The following RAD21 variants were observed in gnomAD, a reference collection of about 807,000 sequenced individuals.
RAD21 encodes the protein double-strand-break repair protein rad21 homolog.
Under a neutral mutation model 71.5 loss-of-function variants are expected in RAD21, and 18 were observed. The observed-to-expected ratio is 0.25, with a 90% CI of 0.17 to 0.37. The LOEUF (loss-of-function observed/expected upper bound fraction) is 0.37. RAD21 is among the 10% of genes least tolerant of loss of function. RAD21 has a pLI of 1.00. For missense variants in RAD21, 493 were observed against 769.1 expected, an observed-to-expected ratio of 0.64 and a Z score of 4.25; for synonymous variants, 248 against 254.0, an observed-to-expected ratio of 0.98 and a Z score of 0.22.
At position 116,846,660 on chromosome 8, in the gene RAD21, G is replaced by T. The variant is rs545914200; in HGVS notation, c.*840C>A. ...TCAGTCTGTCCTTGTAGTAGGCAGG[G>T]CAATTTCTGTTTTCATGATCGGAAT... On this transcript the variant is annotated 3_prime_UTR_variant, in exon 14 of 14. Coordinates refer to ENST00000297338, the MANE Select transcript of RAD21 (RefSeq NM_006265.3). 12 of 224,662 alleles carry T rather than the reference G, an allele frequency of 5.3e-5. No homozygotes were observed. Among genetic ancestry groups the T allele is most frequent in the Non-Finnish European group, 1.1e-4 (12 of 112,482 alleles). The allele number at this position is 224,662 out of a possible 1,614,324, so 13.9% of individuals were successfully genotyped here. A position where few individuals can be genotyped will look rare whatever the true frequency, so the allele number is the denominator to read the frequency against.
chr8:116,855,733 T>C (rs1012285340), intron 8 of RAD21, among the ~76,000 whole-genome samples: 5 of 152,118 alleles, frequency 3.3e-5, no homozygotes, highest in South Asian at 2.1e-4. Context: ...AGAATACTTT[T>C]AGTTTTTTCC....
At chr8:116,872,097 ATAC>A (rs1188348846) in intron 1 of RAD21, among the ~76,000 whole-genome samples, 2 of 152,234 alleles carry the variant, frequency 1.3e-5, no homozygotes, top group South Asian at 2.1e-4. Context: ...ATAATAAAAA[ATAC>A]TACTAATAAA....
Position 116,847,665 on chromosome 8 carries a change from T to C in RAD21, c.1731A>G (p.Glu577=), listed in dbSNP as rs1812273855. The C allele has an allele frequency of 1.9e-6, 3 of 1,613,608 alleles. No individual in the cohort carries two copies. The highest frequency in any genetic ancestry group is 1.3e-5 in the African/African-American group (1 of 74,872). ...LQRALAKTGA[E]SISLLELCRN... is the part of the protein sequence containing the mutation. ...GACATAACTCAAGCAAACTGATAGA[T>C]TCAGCTCCAGTTTTAGCAAGAGCAC... The change falls in exon 14 of 14, where the codon GAA becomes GAG. Residue 577 remains glutamate, a synonymous_variant. Transcript: ENST00000297338.
chr8:116,869,797 C>G (rs1309605084), intron 1 of RAD21, among the ~76,000 whole-genome samples: 1 of 152,186 alleles, frequency 6.6e-6, no homozygotes, highest in African/African-American at 2.4e-5. Flanking sequence ...GGATCTCTTA[C>G]ACTGCAGGTG....
intron 1 of RAD21, among the ~76,000 whole-genome samples, chr8:116,872,283 T>A (rs924653030): frequency 2.0e-5 from 3 of 152,124 alleles, no homozygotes; most frequent in African/African-American, 7.2e-5. Context: ...CCCTTTAATA[T>A]CAAGGGACAA....
Position 116,846,133 on chromosome 8 carries a change from G to T in RAD21, c.*1367C>A, listed in dbSNP as rs750865267. 1.3e-5 allele frequency: 3 copies of T among 230,782 alleles called. No individual in the cohort carries two copies. Among genetic ancestry groups the T allele is most frequent in the African/African-American group, 2.2e-5 (1 of 45,180 alleles). The allele number at this position is 230,782 out of a possible 1,614,324, so 14.3% of individuals were successfully genotyped here. On this transcript the variant is annotated 3_prime_UTR_variant, in exon 14 of 14. Coordinates refer to ENST00000297338, the MANE Select transcript of RAD21 (RefSeq NM_006265.3). ...AACGGGGAAAACTCCTTGGTTTACAGGCACATCATATTGAATGTAAAGCTG... is the reference window on the plus strand; with the variant it reads ...AACGGGGAAAACTCCTTGGTTTACATGCACATCATATTGAATGTAAAGCTG...
intron 13 of RAD21, 177 bp downstream of exon 13, chr8:116,848,769 A>G (rs1040564617): frequency 6.7e-6 from 3 of 450,524 alleles, no homozygotes; most frequent in African/African-American, 2.0e-5. Context: ...AATAAAAAAA[A>G]AAAAGAAAAG....
At chr8:116,849,383 C>A in intron 12 of RAD21, 1 of 222,088 alleles carries the variant, frequency 4.5e-6, no homozygotes, top group Non-Finnish European at 8.7e-6. Context: ...GGATATAAAT[C>A]AACTGTACCA....
intron 1 of RAD21, among the ~76,000 whole-genome samples, chr8:116,868,472 T>A (rs758198592): frequency 6.6e-6 from 1 of 152,184 alleles, no homozygotes; most frequent in Non-Finnish European, 1.5e-5. Flanking sequence ...GTACAGACTT[T>A]TGGTGAACAT....
chr8:116,857,797 TATA>T (rs75190230), intron 5 of RAD21, among the ~76,000 whole-genome samples: 63,884 of 151,784 alleles, frequency 0.42, 13,801 homozygotes, highest in South Asian at 0.67. Context: ...ACTTTCCCGT[TATA>T]ATGTGTTTCA....
chr8:116,857,526 G>A, intron 5 of RAD21, 53 bp from the exon 6 acceptor site: 1 of 1,429,128 alleles, frequency 7.0e-7, no homozygotes, highest in Non-Finnish European at 9.7e-7. Context: ...ATAGCACTGT[G>A]ATAAAAGAAA....
chr8:116,867,538 T>G (rs1812721041), intron 1 of RAD21, among the ~76,000 whole-genome samples: 1 of 152,062 alleles, frequency 6.6e-6, no homozygotes, highest in Non-Finnish European at 1.5e-5. Context: ...TTCAGAAGAG[T>G]ACATTAACTG....
At chr8:116,860,941 A>C (rs956084678) in intron 4 of RAD21, among the ~76,000 whole-genome samples, 1 of 152,178 alleles carries the variant, frequency 6.6e-6, no homozygotes, top group African/African-American at 2.4e-5. Flanking sequence ...AACAGATGTA[A>C]TAAGACTGGC....
intron 2 of RAD21, among the ~76,000 whole-genome samples, chr8:116,864,678 A>G (rs1336221654): frequency 6.6e-6 from 1 of 152,144 alleles, no homozygotes; most frequent in Non-Finnish European, 1.5e-5. Flanking sequence ...CCTAAGAACA[A>G]AGGAGGGAAA....
At position 116,857,359 on chromosome 8, in the gene RAD21, G is replaced by A. The variant is rs1261006144; in HGVS notation, c.596C>T (p.Thr199Ile). ...GTTAATTTTCTCATTCAGATTGCTG[G>A]TGCTCTGTTCAGACTCTAATAGGAG... ...SNLLLESEQS[T>I]SNLNEKINHL... is the part of the protein sequence containing the mutation. The change falls in exon 6 of 14, where the codon ACC (threonine) becomes ATC (isoleucine). Residue 199 changes from threonine to isoleucine, a missense_variant. Physicochemically the swap from Thr to Ile is moderately conservative, Grantham distance 89. This residue lies in a region of RAD21 where 165 missense variants were observed against 229.6 expected (regional missense o/e 0.72). Coordinates refer to ENST00000297338, the MANE Select transcript of RAD21 (RefSeq NM_006265.3). The A allele has an allele frequency of 1.9e-6, 3 of 1,612,734 alleles. No homozygotes were observed. The highest frequency in any genetic ancestry group is 1.1e-5 in the South Asian group (1 of 91,020).
intron 2 of RAD21, among the ~76,000 whole-genome samples, chr8:116,865,987 T>C (rs567569758): frequency 6.6e-6 from 1 of 152,322 alleles, no homozygotes; most frequent in East Asian, 1.9e-4. Context: ...TCACACGTGG[T>C]GTTATACATT....
Position 116,854,362 on chromosome 8 carries a change from A to G in RAD21, c.1044T>C (p.Val348=). The change falls in exon 9 of 14, where the codon GTT becomes GTC. Residue 348 remains valine (V), a synonymous_variant. Coordinates refer to ENST00000297338, the MANE Select transcript of RAD21 (RefSeq NM_006265.3). ...TGGGCGGTGCCAGATCCAAAGTAGT[A>G]ACAATATCTGAATAATCACTAAGTT... ...RAQLSDYSDI[V]TTLDLAPPTK... is the part of the protein sequence containing the mutation. The G allele has an allele frequency of 6.2e-7, 1 of 1,613,878 alleles. No individual in the cohort carries two copies.
chr8:116,850,712 G>A lies in RAD21; in HGVS notation c.1526C>T (p.Pro509Leu), dbSNP rs751467905. 3.1e-6 allele frequency: 5 copies of A among 1,613,514 alleles called. No individual in the cohort carries two copies. In the East Asian group the frequency reaches 8.9e-5, roughly 29 times the overall value. Reference sequence around the variant, plus strand: ...TGGTATTAGCTGACAGATATTTGGAGGTTCTTCTGGGGGAAGCTCTACAGG... The same window carrying A: ...TGGTATTAGCTGACAGATATTTGGAAGTTCTTCTGGGGGAAGCTCTACAGG... Reference protein sequence around the residue: ...IPPVELPPEEPPNICQLIPEL... With the variant: ...IPPVELPPEELPNICQLIPEL... The change falls in exon 12 of 14, where the codon CCT (proline) becomes CTT (leucine). Residue 509 changes from proline (P) to leucine (L), a missense_variant. By Grantham distance (98) the Pro-to-Leu change is moderately conservative (BLOSUM62 -3). Around this residue, in one of 5 missense-constraint regions of RAD21, gnomAD observed 225 missense variants for 218.3 expected, o/e 1.03. Transcript: ENST00000297338.
intron 3 of RAD21, 129 bp downstream of exon 3, chr8:116,863,001 G>A (rs1812622299): frequency 8.2e-7 from 1 of 1,223,926 alleles, no homozygotes; most frequent in African/African-American, 1.5e-5. Context: ...TATCTTTGAA[G>A]GGTTCCTCGT....
Sources: allele counts gnomAD v4.1 joint callset (sites outside exome capture counted in the v4.1 genomes callset), GRCh38; gene constraint gnomAD v4.1.1; regional missense constraint gnomAD v4.1.1; transcripts MANE v1.5; gene names NCBI Gene and HGNC (gene_info 2026-07-23, HGNC 2026-07-21).